AGL: variants seen among roughly 807,000 people sequenced by gnomAD.
AGL encodes the protein glycogen debranching enzyme.
A neutral mutation model predicts 199.3 loss-of-function variants in AGL; 128 were observed. The observed-to-expected ratio is 0.64, with a 90% CI of 0.56 to 0.74. AGL has a LOEUF of 0.74. Among genes scored for constraint, AGL ranks in the 30% least tolerant of loss-of-function variants. The pLI is 0.00. For synonymous variants in AGL, 584 were observed against 594.7 expected, an observed-to-expected ratio of 0.98 and a Z score of 0.26; for missense variants, 1,809 against 1,820.8, an observed-to-expected ratio of 0.99 and a Z score of 0.12.
intron 12 of AGL, among the ~76,000 whole-genome samples, chr1:99,879,053 C>T (rs1194309571): frequency 1.3e-5 from 2 of 151,990 alleles, no homozygotes; most frequent in Non-Finnish European, 2.9e-5. Flanking sequence ...TTATTATAAA[C>T]CAGTGTTTAT....
intron 7 of AGL, among the ~76,000 whole-genome samples, chr1:99,871,702 C>T (rs1219168309): frequency 6.6e-6 from 1 of 152,078 alleles, no homozygotes; most frequent in Non-Finnish European, 1.5e-5. Flanking sequence ...CACCTTAATA[C>T]AGGAATTTTT....
At chr1:99,917,176 G>T (rs1310969818) in intron 33 of AGL, among the ~76,000 whole-genome samples, 1 of 152,086 alleles carries the variant, frequency 6.6e-6, no homozygotes, top group Non-Finnish European at 1.5e-5. Context: ...TCACTTCCTT[G>T]TCCTAATTAT....
At chr1:99,905,399 G>GTTT (rs1376404448) in intron 27 of AGL, among the ~76,000 whole-genome samples, 1 of 152,030 alleles carries the variant, frequency 6.6e-6, no homozygotes, top group Non-Finnish European at 1.5e-5. Context: ...TGTTGTTGTT[G>GTTT]TTGTTGTTGT....
intron 7 of AGL, 44 bp from the exon 8 acceptor site, chr1:99,874,643 T>G: frequency 3.2e-6 from 5 of 1,563,446 alleles, no homozygotes; most frequent in Non-Finnish European, 4.4e-6. Flanking sequence ...TATAATCTCT[T>G]TGTAGATATT....
chr1:99,913,455 C>T, intron 29 of AGL, 72 bp from the exon 30 acceptor site: 1 of 1,237,888 alleles, frequency 8.1e-7, no homozygotes, highest in Non-Finnish European at 1.2e-6. Flanking sequence ...CTAAATATTA[C>T]TATTTGTCTG....
At chr1:99,899,722 G>A (rs570204733) in intron 25 of AGL, among the ~76,000 whole-genome samples, 10 of 152,012 alleles carry the variant, frequency 6.6e-5, no homozygotes, top group African/African-American at 1.9e-4. Flanking sequence ...CCTGGTTCAC[G>A]CCGTTCTCCT....
At chr1:99,868,587 G>A (rs891570768) in intron 5 of AGL, among the ~76,000 whole-genome samples, 2 of 152,236 alleles carry the variant, frequency 1.3e-5, no homozygotes, top group African/African-American at 4.8e-5. Flanking sequence ...ACTCCAGCCT[G>A]GGTGACAAAG....
At chr1:99,901,951 T>C (rs1206943872) in intron 26 of AGL, among the ~76,000 whole-genome samples, 1 of 152,150 alleles carries the variant, frequency 6.6e-6, no homozygotes, top group Non-Finnish European at 1.5e-5. Context: ...GGTAATTATT[T>C]TACACATAAC....
At chr1:99,870,362 A>G in intron 5 of AGL, 38 bp from the exon 6 acceptor site, 1 of 1,585,336 alleles carries the variant, frequency 6.3e-7, no homozygotes, top group Non-Finnish European at 8.7e-7. Flanking sequence ...TTTCAATTTA[A>G]TTATGAGATA....
chr1:99,884,034 G>A (rs1282071987), intron 17 of AGL, 86 bp from the exon 18 acceptor site: 47 of 1,140,978 alleles, frequency 4.1e-5, no homozygotes, highest in Non-Finnish European at 5.3e-5. Context: ...TCAACTTTAA[G>A]TTAAATGATT....
intron 7 of AGL, among the ~76,000 whole-genome samples, chr1:99,871,745 A>G (rs1327704944): frequency 6.6e-6 from 1 of 152,154 alleles, no homozygotes; most frequent in East Asian, 1.9e-4. Context: ...TCATTTTACT[A>G]AAGGGCCTCT....
intron 20 of AGL, among the ~76,000 whole-genome samples, chr1:99,885,669 C>T (rs1415492673): frequency 6.6e-6 from 1 of 152,090 alleles, no homozygotes; most frequent in Non-Finnish European, 1.5e-5. Context: ...ACTGTCCCTG[C>T]GAGGGATTTA....
At position 99,876,442 on chromosome 1, in the gene AGL, A is replaced by G. The variant is rs1430317280; in HGVS notation, c.1284-16A>G. ...GTTTCTTTGTATGGATTTAATATTT[A>G]ATTATATTTTCATAGGTATTTTACT... On this transcript the variant is annotated splice_polypyrimidine_tract_variant and intron_variant, in intron 10 of 33. Transcript: ENST00000361915. 6.6e-7 allele frequency: 1 copy of G among 1,524,892 alleles called. No homozygotes were observed. The highest frequency in any genetic ancestry group is 1.8e-5 in the Admixed American group (1 of 55,574). 94.5% of individuals were successfully genotyped at this position (1,524,892 alleles called of 1,614,324 possible). A position where few individuals can be genotyped will look rare whatever the true frequency, so the allele number is the denominator to read the frequency against.
chr1:99,882,089 A>G (rs1389766886), intron 17 of AGL, among the ~76,000 whole-genome samples: 5 of 151,768 alleles, frequency 3.3e-5, no homozygotes, highest in South Asian at 4.2e-4. Flanking sequence ...CACTGAGTCC[A>G]GATCCCACCA....
chr1:99,912,483 T>C lies in AGL; in HGVS notation c.3915T>C (p.Ile1305=). The part of the protein sequence containing the change: ...RWLLELSKKN[I]FPYHEVTVKR... ...TGCTGGAATTATCCAAAAAAAATAT[T>C]TTCCCTTATCATGAAGTCACAGTAA... is the stretch of plus-strand genomic sequence containing the variant. The change falls in exon 29 of 34, where the codon ATT becomes ATC. Residue 1305 remains isoleucine (I), a synonymous_variant. Coordinates refer to ENST00000361915, the MANE Select transcript of AGL (RefSeq NM_000642.3). 1 of 1,613,950 alleles carries C rather than the reference T, an allele frequency of 6.2e-7. No individual in the cohort carries two copies.
intron 7 of AGL, 84 bp from the exon 8 acceptor site, chr1:99,874,603 A>C: frequency 7.6e-7 from 1 of 1,319,068 alleles, no homozygotes; most frequent in Non-Finnish European, 1.1e-6. Flanking sequence ...TGAAAAAATT[A>C]TAGGCCAAAA....
At position 99,912,420 on chromosome 1, in the gene AGL, G is replaced by A. The variant is rs1378967615; in HGVS notation, c.3852G>A (p.Val1284=). The A allele has an allele frequency of 6.2e-7, 1 of 1,613,896 alleles. No individual in the cohort carries two copies. The highest frequency in any genetic ancestry group is 1.3e-5 in the African/African-American group (1 of 75,040). ...TTAATTTTAGAGATGGGTCTGCTGT[G>A]GAAATTGTGGGCCTGAGTAAATCTG... is the stretch of plus-strand genomic sequence containing the variant. ...IPATPRDGSA[V]EIVGLSKSAV... is the part of the protein sequence containing the mutation. Residue 1284 remains valine (V), a synonymous_variant, in exon 29 of 34, where the codon GTG becomes GTA. Coordinates refer to ENST00000361915, the MANE Select transcript of AGL (RefSeq NM_000642.3).
At position 99,897,678 on chromosome 1, in the gene AGL, C is replaced by T. The variant is rs192780729; in HGVS notation, c.3362+1290C>T. ...ACTGATTTAGAAGAAGGAAATGGAA[C>T]ATCAGCATTCAGCATAGTATAGTGG... On this transcript the variant is annotated intron_variant, in intron 25 of 33. Transcript: ENST00000361915. Among the ~76,000 whole-genome samples the T allele has an allele frequency of 1.6e-3, 248 of 152,316 alleles. 1 individual carries two copies. Among genetic ancestry groups the T allele is most frequent in the Non-Finnish European group, 2.7e-3 (185 of 68,032 alleles).
chr1:99,900,569 C>T, intron 25 of AGL, 67 bp from the exon 26 acceptor site: 1 of 1,426,084 alleles, frequency 7.0e-7, no homozygotes, highest in South Asian at 1.2e-5. Flanking sequence ...CCAAAAGTGA[C>T]TGGTTTTTGT....
Sources: allele counts gnomAD v4.1 joint callset (sites outside exome capture counted in the v4.1 genomes callset), GRCh38; gene constraint gnomAD v4.1.1; transcripts MANE v1.5; gene names NCBI Gene and HGNC (gene_info 2026-07-23, HGNC 2026-07-21).